Variants in GALNT7 observed in about 807,000 individuals in gnomAD.
The protein encoded by GALNT7 is polypeptide N-acetylgalactosaminyltransferase 7.
GALNT7 carries 60 observed loss-of-function variants against 82.1 expected under a neutral mutation model. The observed-to-expected ratio is 0.73, with a 90% CI of 0.59 to 0.91. The LOEUF (loss-of-function observed/expected upper bound fraction) is 0.91, where lower values mean the gene tolerates loss of function less well. Among genes scored for constraint, GALNT7 ranks in the 40% least tolerant of loss-of-function variants. The pLI, the probability that GALNT7 is intolerant of heterozygous loss-of-function variation, is 0.00. For synonymous variants in GALNT7, 243 were observed against 275.1 expected (o/e 0.88, Z 1.15); for missense variants, 660 against 804.2 (o/e 0.82, Z 2.17).
Position 173,195,323 on chromosome 4 carries a change from G to A in GALNT7, c.126+26362G>A, listed in dbSNP as rs540185613. ...AAGAACAGTCTTCCAAAGCCTGAAG[G>A]GGGCTCTGAGTGACTGACTGGCTCT... is the stretch of plus-strand genomic sequence containing the variant. On this transcript the variant is annotated intron_variant, in intron 1 of 11. Coordinates refer to ENST00000265000, the MANE Select transcript of GALNT7 (RefSeq NM_017423.3). Among the ~76,000 whole-genome samples, 10 of 152,098 alleles carry A rather than the reference G, an allele frequency of 6.6e-5. No homozygotes were observed. In the East Asian group the frequency reaches 1.9e-3, roughly 29 times the overall value.
At chr4:173,228,539 T>C (rs1285940009) in intron 1 of GALNT7, among the ~76,000 whole-genome samples, 1 of 152,114 alleles carries the variant, frequency 6.6e-6, no homozygotes, top group Admixed American at 6.5e-5. Flanking sequence ...TTGGCTAGTA[T>C]ACAGGCTGCA....
At chr4:173,169,087 G>A in intron 1 of GALNT7, 126 bp downstream of exon 1, 1 of 846,154 alleles carries the variant, frequency 1.2e-6, no homozygotes, top group Non-Finnish European at 1.7e-6. Context: ...CGCAGGTGGT[G>A]CTGGCGCAGC....
chr4:173,302,599 C>T lies in GALNT7; in HGVS notation c.1266+435C>T, dbSNP rs1037492754. 6.6e-6 allele frequency among the ~76,000 whole-genome samples: 1 copy of T among 152,192 alleles called. No homozygotes were observed. The highest frequency in any genetic ancestry group is 1.5e-5 in the Non-Finnish European group (1 of 68,040). The stretch of plus-strand genomic sequence containing the variant: ...GACTGTATCCTCAGGCTGACTTTGG[C>T]GCTGTCTTCCTGCAGCATCCACCCT... On this transcript the variant is annotated intron_variant, in intron 7 of 11. Transcript: ENST00000265000. The surrounding 1 kb of genome is among the most constrained non-coding windows in gnomAD (Gnocchi z 4.2).
At chr4:173,309,017 T>C (rs1192475885) in intron 8 of GALNT7, among the ~76,000 whole-genome samples, 1 of 152,214 alleles carries the variant, frequency 6.6e-6, no homozygotes, top group Admixed American at 6.5e-5. Flanking sequence ...TCATCTCCTA[T>C]GCCATAAATA....
rs1380942880 is a variant in GALNT7, at chr4:173,256,061, T to C, written c.587+7621T>C. ...TGTTTGGAAGTGATCAGGAATAAGGTTTCTCACAGCTAAAGAGACAGCCAT... is the reference window on the plus strand; with the variant it reads ...TGTTTGGAAGTGATCAGGAATAAGGCTTCTCACAGCTAAAGAGACAGCCAT... On this transcript the variant is annotated intron_variant, in intron 2 of 11. Coordinates refer to ENST00000265000, the MANE Select transcript of GALNT7 (RefSeq NM_017423.3). Among the ~76,000 whole-genome samples the C allele has an allele frequency of 2.6e-5, 4 of 152,194 alleles. No individual in the cohort carries two copies. The East Asian group carries it at 7.7e-4, about 29-fold the overall frequency.
At chr4:173,233,681 C>T (rs575030444) in intron 1 of GALNT7, among the ~76,000 whole-genome samples, 38 of 152,236 alleles carry the variant, frequency 2.5e-4, no homozygotes, top group South Asian at 1.7e-3. Context: ...AGGGGTTGTC[C>T]GCCTCCCAGC....
At position 173,318,460 on chromosome 4, in the gene GALNT7, C is replaced by G. The variant is rs773665085; in HGVS notation, c.1737C>G (p.Leu579=). 13 of 1,603,056 alleles carry G rather than the reference C, an allele frequency of 8.1e-6. No individual in the cohort carries two copies. The highest frequency in any genetic ancestry group is 1.1e-5 in the Non-Finnish European group (13 of 1,173,378). Residue 579 remains leucine (L), a synonymous_variant, in exon 11 of 12, where the codon CTC becomes CTG. Transcript: ENST00000265000. Reference sequence around the variant, plus strand: ...TCAGAATCAATGAAGCAAATCAACTCATGCAGTATGACCAGTGTTTGACAA... The same window carrying G: ...TCAGAATCAATGAAGCAAATCAACTGATGCAGTATGACCAGTGTTTGACAA... The part of the protein sequence containing the change: ...QLFRINEANQ[L]MQYDQCLTKG...
rs182419451 is a variant in GALNT7 at position 173,257,486 on chromosome 4, T to C, written c.587+9046T>C. On this transcript the variant is annotated intron_variant, in intron 2 of 11. Coordinates refer to ENST00000265000, the MANE Select transcript of GALNT7 (RefSeq NM_017423.3). ...ATTTTTGCAAGATACAAGTTGAAAG[T>C]GCTAAGAAGGAAAAAGGGCTTAGCA... 2.3e-3 allele frequency among the ~76,000 whole-genome samples: 348 copies of C among 152,310 alleles called. 2 individuals are homozygous for C. Among genetic ancestry groups the C allele is most frequent in the Non-Finnish European group, 3.7e-3 (251 of 68,032 alleles).
In GALNT7 at chr4:173,278,346, GAAATTGAT is replaced by G. The variant is rs1378132674; in HGVS notation, c.588-13757_588-13750del. Among the ~76,000 whole-genome samples the G allele has an allele frequency of 4.6e-5, 7 of 152,314 alleles. No homozygotes were observed. In the South Asian group the frequency reaches 1.2e-3, roughly 27 times the overall value. On this transcript the variant is annotated intron_variant, in intron 2 of 11. Coordinates refer to ENST00000265000, the MANE Select transcript of GALNT7 (RefSeq NM_017423.3). ...AGTTTGAATGATAGTGCAATTAGGT[GAAATTGAT>G]AAATGGAGTGATATCAACCTCTCAG...
chr4:173,296,519 C>T (rs1736720960), intron 5 of GALNT7, among the ~76,000 whole-genome samples: 1 of 152,130 alleles, frequency 6.6e-6, no homozygotes, highest in Non-Finnish European at 1.5e-5. Flanking sequence ...AATGTGAAGG[C>T]CGAACATGAA....
At chr4:173,305,953 G>C (rs944189810) in intron 8 of GALNT7, among the ~76,000 whole-genome samples, 1 of 152,114 alleles carries the variant, frequency 6.6e-6, no homozygotes, top group Admixed American at 6.6e-5. Context: ...AATTTAGATA[G>C]AGATTATATT....
intron 8 of GALNT7, among the ~76,000 whole-genome samples, chr4:173,306,567 A>G (rs532159237): frequency 5.1e-4 from 78 of 152,168 alleles, no homozygotes; most frequent in Non-Finnish European, 9.9e-4. Flanking sequence ...AGCTTTTTAC[A>G]TTGAATTTTG....
chr4:173,183,249 A>C (rs1009213711), intron 1 of GALNT7, among the ~76,000 whole-genome samples: 2 of 150,924 alleles, frequency 1.3e-5, no homozygotes, highest in African/African-American at 2.4e-5. Flanking sequence ...ATCTCTGTGC[A>C]CCCCCTCCCA....
intron 1 of GALNT7, among the ~76,000 whole-genome samples, chr4:173,244,988 T>C (rs768946391): frequency 4.6e-5 from 7 of 152,070 alleles, no homozygotes; most frequent in Non-Finnish European, 8.8e-5. Context: ...ATTTAGGTAC[T>C]AGAGAGATAT....
At chr4:173,247,639 T>C (rs1734691350) in intron 1 of GALNT7, among the ~76,000 whole-genome samples, 1 of 152,192 alleles carries the variant, frequency 6.6e-6, no homozygotes, top group South Asian at 2.1e-4. Flanking sequence ...ATTAAGCATC[T>C]GTTTTAATCA....
intron 1 of GALNT7, among the ~76,000 whole-genome samples, chr4:173,207,092 T>C (rs1333622523): frequency 1.3e-5 from 2 of 152,208 alleles, no homozygotes; most frequent in Admixed American, 6.5e-5. Flanking sequence ...TATGTTGCTG[T>C]GTGTCTAAGG....
At chr4:173,189,320 T>G (rs1732552169) in intron 1 of GALNT7, among the ~76,000 whole-genome samples, 1 of 152,232 alleles carries the variant, frequency 6.6e-6, no homozygotes, top group African/African-American at 2.4e-5. Context: ...CTGCTAAGTA[T>G]TTATGTTTAG....
Position 173,292,247 on chromosome 4 carries a change from G to C in GALNT7, c.727G>C (p.Val243Leu). 2 of 1,579,086 alleles carry C rather than the reference G, an allele frequency of 1.3e-6. No individual in the cohort carries two copies. Among genetic ancestry groups the C allele is most frequent in the Non-Finnish European group, 1.7e-6 (2 of 1,162,390 alleles). ...RTPRKYLAEI[V>L]LIDDFSNKEH... is the part of the protein sequence containing the mutation. ...TCCAAGGAAATATTTAGCAGAAATT[G>C]TGTTAATTGACGATTTCAGTAATAA... The change falls in exon 3 of 12, where the codon GTG becomes CTG. Residue 243 changes from valine (V) to leucine (L), a missense_variant. Coordinates refer to ENST00000265000, the MANE Select transcript of GALNT7 (RefSeq NM_017423.3). This position sits in a 1 kb window ranked among gnomAD's most constrained non-coding sequence, Gnocchi z 4.8.
rs530074182 is a variant in GALNT7 at position 173,269,586 on chromosome 4, G to A, written c.587+21146G>A. ...CAAAGGTCCTTATGACCACGTAAAT[G>A]TGATAGTATCATATCCTCAGGCCCC... On this transcript the variant is annotated intron_variant, in intron 2 of 11. Transcript: ENST00000265000. 3.7e-4 allele frequency among the ~76,000 whole-genome samples: 57 copies of A among 152,314 alleles called. No individual in the cohort carries two copies. In the South Asian group the frequency reaches 7.2e-3, roughly 19 times the overall value.
Sources: allele counts gnomAD v4.1 joint callset (sites outside exome capture counted in the v4.1 genomes callset), GRCh38; gene constraint gnomAD v4.1.1; non-coding constraint Gnocchi (gnomAD v3.1); transcripts MANE v1.5; gene names NCBI Gene and HGNC (gene_info 2026-07-23, HGNC 2026-07-21).